The following TLK2 variants were observed in gnomAD, a reference collection of about 807,000 sequenced individuals.
TLK2 encodes tousled like kinase 2.
In TLK2, 6 loss-of-function variants were observed where a neutral mutation model predicts 117.3. The observed-to-expected ratio is 0.05, with a 90% CI of 0.03 to 0.10. The LOEUF is 0.10. Among genes scored for constraint, TLK2 ranks in the 10% least tolerant of loss-of-function variants. TLK2 has a pLI of 1.00. For synonymous variants in TLK2, 257 were observed against 316.7 expected, an observed-to-expected ratio of 0.81 and a Z score of 2.00; for missense variants, 299 against 901.2, an observed-to-expected ratio of 0.33 and a Z score of 8.56.
At chr17:62,511,781 G>A (rs1200011179) in intron 2 of TLK2, among the ~76,000 whole-genome samples, 1 of 152,156 alleles carries the variant, frequency 6.6e-6, no homozygotes, top group Non-Finnish European at 1.5e-5. Context: ...GTTCCATGGT[G>A]TGGATATAGT....
intron 10 of TLK2, among the ~76,000 whole-genome samples, chr17:62,564,536 A>C (rs2079575661): frequency 5.3e-5 from 1 of 18,798 alleles, no homozygotes; most frequent in African/African-American, 2.3e-4. Context: ...ACTTCGTCTC[A>C]AAAAAAAAAA....
intron 2 of TLK2, among the ~76,000 whole-genome samples, chr17:62,490,256 G>A (rs1598162742): frequency 6.6e-6 from 1 of 152,190 alleles, no homozygotes; most frequent in African/African-American, 2.4e-5. Context: ...CCTGTCTCTT[G>A]TATTGCTTGT....
intron 2 of TLK2, among the ~76,000 whole-genome samples, chr17:62,481,814 AG>A (rs1243282316): frequency 6.6e-6 from 1 of 152,168 alleles, no homozygotes; most frequent in Non-Finnish European, 1.5e-5. Flanking sequence ...CTGCTCTCAT[AG>A]GATGATTTTA....
intron 7 of TLK2, among the ~76,000 whole-genome samples, chr17:62,546,865 T>G (rs1201430205): frequency 6.6e-6 from 1 of 152,150 alleles, no homozygotes; most frequent in Non-Finnish European, 1.5e-5. Context: ...CGGCCTCTTC[T>G]GGGAGATTTT....
chr17:62,526,164 A>G (rs1467103664), intron 6 of TLK2, among the ~76,000 whole-genome samples: 2 of 152,150 alleles, frequency 1.3e-5, no homozygotes, highest in Non-Finnish European at 2.9e-5. Flanking sequence ...TAAAATAGAA[A>G]CCAAAGCTTA....
At chr17:62,573,126 G>A (rs2080447359) in intron 11 of TLK2, 89 bp from the exon 12 acceptor site, 1 of 1,398,470 alleles carries the variant, frequency 7.2e-7, no homozygotes, top group Non-Finnish European at 9.5e-7. Context: ...TTCTGAAATT[G>A]GATACACAAG....
intron 2 of TLK2, among the ~76,000 whole-genome samples, chr17:62,494,518 A>C (rs1380100961): frequency 6.6e-6 from 1 of 152,064 alleles, no homozygotes. Flanking sequence ...TGGCCTTTCA[A>C]AGTGTTGGGA....
intron 2 of TLK2, among the ~76,000 whole-genome samples, chr17:62,514,185 C>T (rs904409158): frequency 9.2e-5 from 14 of 151,672 alleles, no homozygotes; most frequent in African/African-American, 2.4e-4. Flanking sequence ...GCTCTATTGC[C>T]CAGGCTGGTG....
intron 2 of TLK2, among the ~76,000 whole-genome samples, chr17:62,495,109 G>T (rs1442867963): frequency 6.6e-6 from 1 of 151,998 alleles, no homozygotes; most frequent in Non-Finnish European, 1.5e-5. Flanking sequence ...GGAGGTTGCT[G>T]TGAGCCAAGA....
chr17:62,516,717 C>T (rs1369397949), intron 2 of TLK2: 1 of 1,600,134 alleles, frequency 6.2e-7, no homozygotes. Flanking sequence ...TGACTCCCTC[C>T]TTAAAAAGGA....
intron 11 of TLK2, chr17:62,572,971 G>A (rs1178929460): frequency 2.6e-6 from 1 of 391,406 alleles, no homozygotes; most frequent in Non-Finnish European, 4.6e-6. Context: ...AATTTGATAT[G>A]TTCCTTCCTG....
intron 7 of TLK2, among the ~76,000 whole-genome samples, chr17:62,541,453 A>G (rs1478357039): frequency 2.6e-5 from 4 of 152,238 alleles, no homozygotes; most frequent in Admixed American, 6.5e-5. Context: ...GTGGAATGCT[A>G]TACAGCTGGC....
At chr17:62,486,659 A>G (rs2072429312) in intron 2 of TLK2, among the ~76,000 whole-genome samples, 1 of 152,160 alleles carries the variant, frequency 6.6e-6, no homozygotes, top group Admixed American at 6.5e-5. Flanking sequence ...GCAGAATTTC[A>G]CCCTTGCATG....
intron 9 of TLK2, among the ~76,000 whole-genome samples, chr17:62,555,016 A>G (rs897723294): frequency 5.9e-5 from 9 of 151,310 alleles, no homozygotes; most frequent in South Asian, 2.1e-4. Context: ...ATGTGTGTGT[A>G]TATATACACA....
At chr17:62,475,439 T>C (rs2071019785), upstream of TLK2, among the ~76,000 whole-genome samples, 1 of 151,896 alleles carries the variant, frequency 6.6e-6, no homozygotes. Context: ...GACTCCCAGG[T>C]TCAAGCGATT....
intron 2 of TLK2, among the ~76,000 whole-genome samples, chr17:62,485,511 C>A (rs1293259162): frequency 3.9e-5 from 6 of 151,926 alleles, no homozygotes; most frequent in Non-Finnish European, 7.4e-5. Context: ...TTGCATAGTG[C>A]AAATTTTTAA....
At chr17:62,487,518 CAAA>C (rs545506997) in intron 2 of TLK2, among the ~76,000 whole-genome samples, 4 of 56,306 alleles carry the variant, frequency 7.1e-5, no homozygotes, top group Middle Eastern at 8.9e-3. Flanking sequence ...GCCTCCGTCT[CAAA>C]AAAAAAAAAA....
At chr17:62,558,390 T>A (rs1353432095) in intron 9 of TLK2, among the ~76,000 whole-genome samples, 3 of 152,192 alleles carry the variant, frequency 2.0e-5, no homozygotes, top group African/African-American at 7.2e-5. Context: ...CTTGAACTCC[T>A]GGGCTTAATT....
intron 4 of TLK2, 88 bp from the exon 5 acceptor site, chr17:62,523,046 T>C (rs1418476559): frequency 1.5e-6 from 2 of 1,307,148 alleles, no homozygotes; most frequent in South Asian, 1.6e-5. Flanking sequence ...TAGCAATGTA[T>C]GTAGTTACTG....
Sources: gnomAD v4.1 joint callset for allele counts (sites outside exome capture counted in the v4.1 genomes callset) on GRCh38, gnomAD v4.1.1 for gene constraint, MANE v1.5 for transcripts, NCBI Gene and HGNC (gene_info 2026-07-23, HGNC 2026-07-21) for gene names.